ENTREP2: variants seen among roughly 807,000 people sequenced by gnomAD.
ENTREP2 encodes endosomal transmembrane epsin interactor 2, also known as protein ENTREP2.
the ENTREP2 span, among the ~76,000 whole-genome samples, chr15:29,641,791 C>A: frequency 1.2e-4 from 18 of 145,750 alleles, no homozygotes; most frequent in Non-Finnish European, 3.0e-5. Flanking sequence ...AAGATTGCGC[C>A]ACTGCACTCC....
At chr15:29,174,722 A>T in the ENTREP2 span, among the ~76,000 whole-genome samples, 26 of 151,766 alleles carry the variant, frequency 1.7e-4, no homozygotes, top group African/African-American at 5.8e-4. Context: ...AAAAAAAAAA[A>T]GAAAACTAGA....
chr15:29,209,817 A>G, the ENTREP2 span, among the ~76,000 whole-genome samples: 2 of 152,056 alleles, frequency 1.3e-5, no homozygotes, highest in Non-Finnish European at 2.9e-5. Flanking sequence ...GTACCCCTGC[A>G]GGGTCACTCT....
chr15:29,297,136 C>T, the ENTREP2 span, among the ~76,000 whole-genome samples: 42 of 152,136 alleles, frequency 2.8e-4, 1 homozygote, highest in African/African-American at 8.9e-4. Flanking sequence ...CTCTCTGAAG[C>T]GAACAAAATC....
At chr15:29,594,114 G>T in the ENTREP2 span, among the ~76,000 whole-genome samples, 1 of 152,064 alleles carries the variant, frequency 6.6e-6, no homozygotes, top group African/African-American at 2.4e-5. Flanking sequence ...AAAAAAAAAG[G>T]AAATAAAAAT....
chr15:29,306,135 T>A, the ENTREP2 span, among the ~76,000 whole-genome samples: 1 of 152,214 alleles, frequency 6.6e-6, no homozygotes, highest in Non-Finnish European at 1.5e-5. Context: ...TTGTTGGTGA[T>A]CCTTCAGGAT....
At chr15:29,242,946 C>T in the ENTREP2 span, among the ~76,000 whole-genome samples, 3,002 of 152,250 alleles carry the variant, frequency 0.02, 46 homozygotes, top group Non-Finnish European at 0.029. Context: ...AGTAGAAAGA[C>T]CCTGAGATTC....
the ENTREP2 span, among the ~76,000 whole-genome samples, chr15:29,510,285 T>C: frequency 6.6e-6 from 1 of 152,186 alleles, no homozygotes; most frequent in Non-Finnish European, 1.5e-5. Context: ...ACAGGAACGC[T>C]TTTACACCAT....
At chr15:29,607,614 C>T in the ENTREP2 span, among the ~76,000 whole-genome samples, 1 of 152,154 alleles carries the variant, frequency 6.6e-6, no homozygotes, top group Non-Finnish European at 1.5e-5. Flanking sequence ...GACTATGTCT[C>T]TCTGCCATGA....
the ENTREP2 span, among the ~76,000 whole-genome samples, chr15:29,450,404 T>C: frequency 6.6e-6 from 1 of 152,202 alleles, no homozygotes. Context: ...TTGATTTTTG[T>C]ATATGGTGAA....
the ENTREP2 span, among the ~76,000 whole-genome samples, chr15:29,530,309 T>C: frequency 1.3e-5 from 2 of 152,154 alleles, no homozygotes; most frequent in African/African-American, 2.4e-5. Flanking sequence ...ATAATGGCTG[T>C]GTAGTTCCTG....
At chr15:29,426,881 C>T in the ENTREP2 span, among the ~76,000 whole-genome samples, 3 of 152,170 alleles carry the variant, frequency 2.0e-5, no homozygotes, top group Non-Finnish European at 2.9e-5. Flanking sequence ...GTGTGATGCC[C>T]AAAGCTTGGG....
chr15:29,613,299 C>G, the ENTREP2 span: 1 of 199,308 alleles, frequency 5.0e-6, no homozygotes, highest in East Asian at 1.6e-4. Context: ...GATCTGCAGA[C>G]CAGACCACTT....
At chr15:29,434,887 G>C in the ENTREP2 span, among the ~76,000 whole-genome samples, 1 of 152,136 alleles carries the variant, frequency 6.6e-6, no homozygotes, top group Non-Finnish European at 1.5e-5. Flanking sequence ...AAGCATGGCA[G>C]ACCATGGCCC....
the ENTREP2 span, chr15:29,137,102 G>A: frequency 1.4e-6 from 2 of 1,467,414 alleles, no homozygotes; most frequent in Non-Finnish European, 1.8e-6. Context: ...GGAGTGGGGG[G>A]ATGAACTCGT....
chr15:29,396,304 T>C, the ENTREP2 span, among the ~76,000 whole-genome samples: 1 of 150,820 alleles, frequency 6.6e-6, no homozygotes, highest in Non-Finnish European at 1.5e-5. Context: ...TTCTCCTCTC[T>C]GTTACCATGA....
chr15:29,426,574 A>G, the ENTREP2 span, among the ~76,000 whole-genome samples: 4 of 152,192 alleles, frequency 2.6e-5, no homozygotes, highest in African/African-American at 9.7e-5. Flanking sequence ...GTTGAAAAAT[A>G]GATCCCCCAG....
the ENTREP2 span, among the ~76,000 whole-genome samples, chr15:29,476,040 T>C: frequency 6.6e-6 from 1 of 152,208 alleles, no homozygotes; most frequent in African/African-American, 2.4e-5. Context: ...AAGGCCAACT[T>C]ACAAAATGTC....
the ENTREP2 span, among the ~76,000 whole-genome samples, chr15:29,303,316 T>C: frequency 6.6e-6 from 1 of 152,270 alleles, no homozygotes; most frequent in African/African-American, 2.4e-5. Context: ...AAGTTGCTAT[T>C]TGTTTTCTTA....
the ENTREP2 span, among the ~76,000 whole-genome samples, chr15:29,624,528 T>C: frequency 6.6e-6 from 1 of 152,206 alleles, no homozygotes. Context: ...TGCCACTCTG[T>C]CTCCAACCAG....
Sources: gnomAD v4.1 joint callset for allele counts (sites outside exome capture counted in the v4.1 genomes callset) on GRCh38, gnomAD v4.1.1 for gene constraint, MANE v1.5 for transcripts, NCBI Gene and HGNC (gene_info 2026-07-23, HGNC 2026-07-21) for gene names.